The following TACC2 variants were observed in gnomAD, a reference collection of about 807,000 sequenced individuals.
TACC2 encodes transforming acidic coiled-coil-containing protein 2.
TACC2 carries 137 observed loss-of-function variants against 227.3 expected under a neutral mutation model. That is an observed-to-expected ratio of 0.60 (90% confidence interval 0.52 to 0.69). The LOEUF is 0.69. TACC2 is among the 30% of genes least tolerant of loss of function. The pLI, the probability that TACC2 is intolerant of heterozygous loss-of-function variation, is 0.00. For synonymous variants in TACC2, 1,523 were observed against 1,487.5 expected (o/e 1.02, Z -0.55); for missense variants, 3,470 against 3,694.4 (o/e 0.94, Z 1.57).
chr10:121,993,425 T>C (rs1359661062), intron 1 of TACC2, among the ~76,000 whole-genome samples: 1 of 152,190 alleles, frequency 6.6e-6, no homozygotes, highest in Admixed American at 6.5e-5. Flanking sequence ...AAAAGAAATA[T>C]GAGAGGGAAG....
At chr10:122,110,384 G>C (rs1050715146) in intron 5 of TACC2, among the ~76,000 whole-genome samples, 1 of 152,206 alleles carries the variant, frequency 6.6e-6, no homozygotes, top group Non-Finnish European at 1.5e-5. Context: ...TCACTATCCA[G>C]GCAAGATTTC....
At chr10:122,062,776 T>C (rs938291057) in intron 3 of TACC2, among the ~76,000 whole-genome samples, 1 of 152,308 alleles carries the variant, frequency 6.6e-6, no homozygotes, top group Middle Eastern at 3.4e-3. Context: ...AAAAATGAAC[T>C]AAATGGGCTT....
At chr10:122,072,931 A>G (rs7913619) in intron 3 of TACC2, among the ~76,000 whole-genome samples, 31,394 of 151,014 alleles carry the variant, frequency 0.21, 3,661 homozygotes, top group African/African-American at 0.32. Context: ...AGCCAACATG[A>G]TGAAACCCTG....
chr10:122,189,156 G>A (rs909047183), intron 7 of TACC2, among the ~76,000 whole-genome samples: 1 of 152,140 alleles, frequency 6.6e-6, no homozygotes, highest in Admixed American at 6.5e-5. Flanking sequence ...TTTTATGCCA[G>A]CGAGGTGTGT....
At chr10:122,142,211 C>T (rs924799109) in intron 6 of TACC2, among the ~76,000 whole-genome samples, 5 of 152,184 alleles carry the variant, frequency 3.3e-5, no homozygotes, top group Admixed American at 6.5e-5. Context: ...TGTGGAGCCC[C>T]GAGGGAGCAG....
intron 1 of TACC2, among the ~76,000 whole-genome samples, chr10:121,998,201 A>G (rs923291039): frequency 4.0e-5 from 6 of 151,368 alleles, no homozygotes. Context: ...AGTCCCAGCT[A>G]CTCGGGAGGC....
At chr10:122,119,556 A>G (rs910068593) in intron 5 of TACC2, among the ~76,000 whole-genome samples, 1 of 151,192 alleles carries the variant, frequency 6.6e-6, no homozygotes, top group Non-Finnish European at 1.5e-5. Context: ...GGACAGCTAC[A>G]CTTTCACTCA....
chr10:122,031,116 CT>C (rs1229901800), intron 2 of TACC2, among the ~76,000 whole-genome samples: 1 of 152,090 alleles, frequency 6.6e-6, no homozygotes, highest in African/African-American at 2.4e-5. Context: ...CTAATTAGAA[CT>C]TTTTTTAAGG....
chr10:122,068,958 A>ATT (rs1486099768), intron 3 of TACC2, among the ~76,000 whole-genome samples: 2 of 140,640 alleles, frequency 1.4e-5, no homozygotes. Context: ...TCAGCCTCCC[A>ATT]AAGTGCTGGC....
At chr10:122,130,567 G>A (rs1325787885) in intron 5 of TACC2, among the ~76,000 whole-genome samples, 4 of 152,138 alleles carry the variant, frequency 2.6e-5, no homozygotes, top group African/African-American at 7.2e-5. Flanking sequence ...ACAGGCATAA[G>A]CCACCGTGCC....
intron 6 of TACC2, among the ~76,000 whole-genome samples, chr10:122,136,515 ATATG>A (rs1371549522): frequency 1.4e-5 from 2 of 140,684 alleles, no homozygotes; most frequent in Non-Finnish European, 3.1e-5. Context: ...ATATATATAT[ATATG>A]TGTGTATGTA....
In TACC2 at chr10:122,211,270, A is replaced by G. The variant is rs1487895676; in HGVS notation, c.6845A>G (p.Asn2282Ser). Residue 2282 changes from asparagine to serine, a missense_variant, in exon 9 of 23, where the codon AAC becomes AGC. Asn to Ser is a conservative substitution (Grantham distance 46, BLOSUM62 1). Transcript: ENST00000369005. ...AGTAGTTGGGACAACCAGCAGGAAA[A>G]CCCCCCTCCTACCAAAAAGATAGGC... Reference protein sequence around the residue: ...DKSSWDNQQENPPPTKKIGKK... With the variant: ...DKSSWDNQQESPPPTKKIGKK... 1.9e-6 allele frequency: 3 copies of G among 1,612,726 alleles called. No homozygotes were observed. The South Asian group carries it at 3.3e-5, about 18-fold the overall frequency.
chr10:122,155,496 C>T (rs192138435), intron 7 of TACC2, among the ~76,000 whole-genome samples: 73 of 152,284 alleles, frequency 4.8e-4, no homozygotes, highest in African/African-American at 1.7e-3. Flanking sequence ...GAAATAGTTT[C>T]CGGAGAAGAA....
Position 122,249,147 on chromosome 10 carries a change from A to G in TACC2, c.8651A>G (p.Lys2884Arg). Residue 2884 changes from lysine to arginine, a missense_variant, in exon 21 of 23, where the codon AAA (lysine) becomes AGA (arginine). Transcript: ENST00000369005. ...YQALKVHAEEKLDRANAEIAQ... is the reference protein window; with the variant it reads ...YQALKVHAEERLDRANAEIAQ... ...GCCCTGAAGGTGCACGCGGAGGAGA[A>G]ACTGGACAGGTAACATTTAGCCACT... 6.2e-7 allele frequency: 1 copy of G among 1,610,188 alleles called. No individual in the cohort carries two copies. The highest frequency in any genetic ancestry group is 8.5e-7 in the Non-Finnish European group (1 of 1,178,810).
At chr10:121,991,897 A>T (rs1276811696) in intron 1 of TACC2, among the ~76,000 whole-genome samples, 1 of 152,180 alleles carries the variant, frequency 6.6e-6, no homozygotes, top group Non-Finnish European at 1.5e-5. Context: ...GGCAAGGAGG[A>T]GCAAGTCACA....
At chr10:122,068,716 T>C (rs2077664736) in intron 3 of TACC2, among the ~76,000 whole-genome samples, 1 of 150,110 alleles carries the variant, frequency 6.7e-6, no homozygotes. Context: ...CAGGCTGGAG[T>C]GCAGTGGTGC....
chr10:122,075,257 C>T (rs560303927), intron 3 of TACC2, among the ~76,000 whole-genome samples: 1 of 151,778 alleles, frequency 6.6e-6, no homozygotes, highest in South Asian at 2.1e-4. Flanking sequence ...TGCAGGATGC[C>T]AAAACCGGAA....
chr10:122,086,089 G>C lies in TACC2; in HGVS notation c.3589G>C (p.Ala1197Pro). ...CAGCTGCCAGGATGCCTTGCTGCCA[G>C]CCAGAGAGCTGGGTGGGATTCCCAG... Reference protein sequence around the residue: ...MASCQDALLPARELGGIPRST... With the variant: ...MASCQDALLPPRELGGIPRST... The change falls in exon 4 of 23, where the codon GCC becomes CCC. Residue 1197 changes from alanine to proline, a missense_variant. By Grantham distance (27) the Ala-to-Pro change is conservative. Coordinates refer to ENST00000369005, the MANE Select transcript of TACC2 (RefSeq NM_206862.4). 6.2e-7 allele frequency: 1 copy of C among 1,613,798 alleles called. No homozygotes were observed. The highest frequency in any genetic ancestry group is 8.5e-7 in the Non-Finnish European group (1 of 1,180,034).
intron 3 of TACC2, among the ~76,000 whole-genome samples, chr10:122,055,295 G>A (rs937780289): frequency 2.0e-5 from 3 of 152,154 alleles, no homozygotes; most frequent in South Asian, 2.1e-4. Context: ...TTACACGTGT[G>A]GGGTAGAGCA....
Sources: gnomAD v4.1 joint callset for allele counts (sites outside exome capture counted in the v4.1 genomes callset) on GRCh38, gnomAD v4.1.1 for gene constraint, MANE v1.5 for transcripts, NCBI Gene and HGNC (gene_info 2026-07-23, HGNC 2026-07-21) for gene names.